Variants in CELF6 observed in about 807,000 individuals in gnomAD.
The protein encoded by CELF6 is Bruno -like 6, RNA binding protein.
CELF6 carries 32 observed loss-of-function variants against 53.1 expected under a neutral mutation model. That is an observed-to-expected ratio of 0.60 (90% confidence interval 0.46 to 0.81). The LOEUF is 0.81. Ranked by LOEUF, CELF6 falls within the 30% of genes least tolerant of loss-of-function variation. The pLI is 0.00. For synonymous variants in CELF6, 291 were observed against 288.8 expected, an observed-to-expected ratio of 1.01 and a Z score of -0.08; for missense variants, 539 against 669.5, an observed-to-expected ratio of 0.81 and a Z score of 2.15.
intron 3 of CELF6, among the ~76,000 whole-genome samples, chr15:72,293,302 A>G (rs534929136): frequency 6.6e-6 from 1 of 152,176 alleles, no homozygotes; most frequent in African/African-American, 2.4e-5. Context: ...GGCCAAAGAG[A>G]AGTACATGCT....
chr15:72,316,866 C>T (rs1200832168), intron 1 of CELF6, among the ~76,000 whole-genome samples: 1 of 152,128 alleles, frequency 6.6e-6, no homozygotes, highest in East Asian at 1.9e-4. Context: ...ACATTCCCTG[C>T]CCTCATGGGG....
chr15:72,296,627 G>A (rs1482250271), intron 3 of CELF6, among the ~76,000 whole-genome samples: 1 of 152,142 alleles, frequency 6.6e-6, no homozygotes, highest in Non-Finnish European at 1.5e-5. Context: ...ATTTAATAAT[G>A]GGCAAAGGAT....
chr15:72,297,675 A>C (rs1034622096), intron 3 of CELF6, among the ~76,000 whole-genome samples: 11 of 152,280 alleles, frequency 7.2e-5, no homozygotes, highest in African/African-American at 2.7e-4. Flanking sequence ...TTCCACTTAC[A>C]TAAGGTATCT....
intron 2 of CELF6, among the ~76,000 whole-genome samples, chr15:72,313,506 T>C (rs1046651043): frequency 6.6e-5 from 10 of 152,172 alleles, no homozygotes; most frequent in African/African-American, 2.4e-4. Context: ...CCAAAGTTTA[T>C]CTTAATTTTT....
chr15:72,285,219 T>C lies in CELF6; in HGVS notation c.*1152A>G, dbSNP rs2087907017. The C allele has an allele frequency of 6.6e-6, 1 of 152,650 alleles. No individual in the cohort carries two copies. The highest frequency in any genetic ancestry group is 6.5e-5 in the Admixed American group (1 of 15,286). The allele number at this position is 152,650 out of a possible 1,614,324, so 9.5% of individuals were successfully genotyped here. A position where few individuals can be genotyped will look rare whatever the true frequency, so the allele number is the denominator to read the frequency against. Reference sequence around the variant, plus strand: ...TAGTTTTTAAAGGAATGAAGAAGTATTTTGGCAAAACATCTACTTCCCTCC... The same window carrying C: ...TAGTTTTTAAAGGAATGAAGAAGTACTTTGGCAAAACATCTACTTCCCTCC... On this transcript the variant is annotated 3_prime_UTR_variant, in exon 13 of 13. Coordinates refer to ENST00000287202, the MANE Select transcript of CELF6 (RefSeq NM_052840.5).
At chr15:72,301,176 C>T (rs548212190) in intron 3 of CELF6, among the ~76,000 whole-genome samples, 1 of 152,118 alleles carries the variant, frequency 6.6e-6, no homozygotes, top group East Asian at 1.9e-4. Flanking sequence ...ATATTTTTTG[C>T]AGAGACAGGG....
intron 2 of CELF6, chr15:72,313,819 C>T: frequency 1.3e-6 from 1 of 788,576 alleles, no homozygotes; most frequent in Non-Finnish European, 1.5e-6. Flanking sequence ...GCTGCTGTTA[C>T]TATTACTGTT....
At chr15:72,303,762 G>A (rs71397233) in intron 3 of CELF6, among the ~76,000 whole-genome samples, 1,813 of 152,260 alleles carry the variant, frequency 0.012, 16 homozygotes, top group East Asian at 0.024. Flanking sequence ...ACTGACACCA[G>A]AATCCAGCCT....
chr15:72,298,476 C>T (rs193125674), intron 3 of CELF6, among the ~76,000 whole-genome samples: 1 of 152,108 alleles, frequency 6.6e-6, no homozygotes, highest in East Asian at 1.9e-4. Context: ...TAAGTTTGAA[C>T]GTTAAAAGAA....
chr15:72,288,595 GGGCATAGGCCGACGGATA>G lies in CELF6; in HGVS notation c.1099_1116del (p.Tyr367_Ala372del), dbSNP rs776937831. On this transcript the variant is annotated inframe_deletion, in exon 10 of 13. Coordinates refer to ENST00000287202, the MANE Select transcript of CELF6 (RefSeq NM_052840.5). The surrounding 1 kb of genome is among the most constrained non-coding windows in gnomAD (Gnocchi z 4.6). ...TGCTGGGGAAAAGCTGTGCTCACTG[GGGCATAGGCCGACGGATA>G]GGCTGCTGGAGACAGAGGTGGGAGT... 16 of 1,571,204 alleles carry G rather than the reference GGGCATAGGCCGACGGATA, an allele frequency of 1.0e-5. No individual in the cohort carries two copies. Among genetic ancestry groups the G allele is most frequent in the Non-Finnish European group, 1.2e-5 (14 of 1,158,256 alleles).
intron 2 of CELF6, among the ~76,000 whole-genome samples, chr15:72,311,644 C>T (rs977865998): frequency 2.6e-5 from 4 of 152,008 alleles, no homozygotes; most frequent in Non-Finnish European, 5.9e-5. Flanking sequence ...CCTCGTGATC[C>T]GCCCGCCTCA....
intron 11 of CELF6, among the ~76,000 whole-genome samples, chr15:72,287,888 T>A (rs2087943100): frequency 6.7e-6 from 1 of 149,482 alleles, no homozygotes; most frequent in Admixed American, 6.7e-5. Flanking sequence ...CAGGCTGGAG[T>A]GTGCAGTGGT....
In CELF6 at chr15:72,288,973, G is replaced by C. The variant is rs1413865928; in HGVS notation, c.1031-43C>G. 6.6e-7 allele frequency: 1 copy of C among 1,526,008 alleles called. No individual in the cohort carries two copies. The highest frequency in any genetic ancestry group is 8.9e-7 in the Non-Finnish European group (1 of 1,126,760). 94.5% of individuals were successfully genotyped at this position (1,526,008 alleles called of 1,614,324 possible). A position where few individuals can be genotyped will look rare whatever the true frequency, so the allele number is the denominator to read the frequency against. On this transcript the variant is annotated intron_variant, in intron 8 of 12. Transcript: ENST00000287202. The surrounding 1 kb of genome is among the most constrained non-coding windows in gnomAD (Gnocchi z 4.6). ...CGAGGCCCACAGTGAAGGCAAGCGGGCGAGCAGAGTGGGTGAGAAGCTCAG... is the reference window on the plus strand; with the variant it reads ...CGAGGCCCACAGTGAAGGCAAGCGGCCGAGCAGAGTGGGTGAGAAGCTCAG...
chr15:72,318,267 T>A (rs1278215611), intron 1 of CELF6, among the ~76,000 whole-genome samples: 1 of 152,166 alleles, frequency 6.6e-6, no homozygotes, highest in African/African-American at 2.4e-5. Flanking sequence ...GTCCTAGCTC[T>A]TCTATTGGCA....
At chr15:72,316,929 C>T (rs962722756) in intron 1 of CELF6, among the ~76,000 whole-genome samples, 15 of 152,280 alleles carry the variant, frequency 9.9e-5, no homozygotes, top group Admixed American at 9.2e-4. Context: ...TGAGTAATGT[C>T]TCAAAGAAGG....
intron 11 of CELF6, among the ~76,000 whole-genome samples, chr15:72,287,908 A>G (rs1209725071): frequency 2.6e-5 from 4 of 151,806 alleles, no homozygotes; most frequent in Non-Finnish European, 5.9e-5. Context: ...TGCCATCACA[A>G]TTCACTGCAA....
intron 3 of CELF6, among the ~76,000 whole-genome samples, chr15:72,303,915 T>A (rs1387709090): frequency 1.3e-5 from 2 of 152,036 alleles, no homozygotes; most frequent in Admixed American, 6.6e-5. Context: ...TGGAGTGCAA[T>A]GGCGTGATCT....
Position 72,304,958 on chromosome 15 carries a change from C to A in CELF6, c.346-164G>T, listed in dbSNP as rs1595782344. Among the ~76,000 whole-genome samples the A allele has an allele frequency of 2.0e-5, 3 of 152,186 alleles. No individual in the cohort carries two copies. The South Asian group carries it at 6.2e-4, about 31-fold the overall frequency. On this transcript the variant is annotated intron_variant, in intron 2 of 12. Coordinates refer to ENST00000287202, the MANE Select transcript of CELF6 (RefSeq NM_052840.5). ...TACAGATTTTCTCCAAGATTCCTTCCTTAAACCCAGGAATTTAGAAGGTGC... is the reference window on the plus strand; with the variant it reads ...TACAGATTTTCTCCAAGATTCCTTCATTAAACCCAGGAATTTAGAAGGTGC...
At chr15:72,317,374 AT>A (rs1226032376) in intron 1 of CELF6, among the ~76,000 whole-genome samples, 2 of 152,120 alleles carry the variant, frequency 1.3e-5, no homozygotes, top group African/African-American at 2.4e-5. Flanking sequence ...AAATGGGAAC[AT>A]TTTTTTCTGG....
Sources: gnomAD v4.1 joint callset for allele counts (sites outside exome capture counted in the v4.1 genomes callset) on GRCh38, gnomAD v4.1.1 for gene constraint, Gnocchi (gnomAD v3.1) non-coding constraint, MANE v1.5 for transcripts, NCBI Gene and HGNC (gene_info 2026-07-23, HGNC 2026-07-21) for gene names.